The following ACSM3 variants were observed in gnomAD, a reference collection of about 807,000 sequenced individuals.
ACSM3 encodes the protein acyl-CoA synthetase medium chain family member 3.
A neutral mutation model predicts 74.1 loss-of-function variants in ACSM3; 61 were observed. The ratio of observed to expected loss-of-function variants is 0.82; its 90% CI spans 0.67 to 1.02. The LOEUF is 1.02. Ranked by LOEUF, ACSM3 falls within the 50% of genes least tolerant of loss-of-function variation. The pLI is 0.00. For missense variants in ACSM3, 660 were observed against 697.0 expected (o/e 0.95, Z 0.60); for synonymous variants, 213 against 241.5 (o/e 0.88, Z 1.09).
intron 1 of ACSM3, among the ~76,000 whole-genome samples, chr16:20,708,644 G>A (rs951580936): frequency 1.3e-5 from 2 of 152,174 alleles, no homozygotes; most frequent in African/African-American, 4.8e-5. Flanking sequence ...AAGATATCCT[G>A]TGTTCATGGA....
chr16:20,706,681 T>G (rs1217747820), intron 1 of ACSM3, among the ~76,000 whole-genome samples: 1 of 152,188 alleles, frequency 6.6e-6, no homozygotes, highest in Non-Finnish European at 1.5e-5. Context: ...GACTTGATCC[T>G]GCTACCAAAA....
At chr16:20,715,367 C>T (rs1567322376) in intron 1 of ACSM3, among the ~76,000 whole-genome samples, 1 of 152,064 alleles carries the variant, frequency 6.6e-6, no homozygotes, top group Admixed American at 6.5e-5. Flanking sequence ...ACTTTTGGAT[C>T]CTGGGGTGGG....
intron 9 of ACSM3, among the ~76,000 whole-genome samples, chr16:20,789,972 C>G (rs1004213875): frequency 7.9e-5 from 12 of 151,956 alleles, no homozygotes; most frequent in African/African-American, 2.9e-4. Context: ...CTGCGCCCAG[C>G]CAGCAATCCT....
chr16:20,771,464 C>T (rs185153753), intron 2 of ACSM3, among the ~76,000 whole-genome samples: 38 of 146,648 alleles, frequency 2.6e-4, no homozygotes, highest in African/African-American at 9.5e-4. Context: ...TAAGCTCCCA[C>T]ATATGAGTAA....
At chr16:20,734,020 A>G (rs2079847848) in intron 1 of ACSM3, 1 of 152,234 alleles carries the variant, frequency 6.6e-6, no homozygotes, top group Non-Finnish European at 1.5e-5. Flanking sequence ...CCTGAAAACA[A>G]GTCTTTTAAT....
At chr16:20,717,956 GGAAGAAGAAGAAGAA>G (rs746227909) in intron 1 of ACSM3, among the ~76,000 whole-genome samples, 1,803 of 74,350 alleles carry the variant, frequency 0.024, 25 homozygotes, top group Middle Eastern at 0.044. Context: ...AAGAGGAAGA[GGAAGAAGAAGAAGAA>G]GAAGAAGAAG....
chr16:20,737,469 A>G (rs1358324636), intron 1 of ACSM3, among the ~76,000 whole-genome samples: 2 of 152,240 alleles, frequency 1.3e-5, no homozygotes, highest in East Asian at 3.8e-4. Context: ...ACAACATTTA[A>G]TAAGAATTTT....
At chr16:20,789,287 T>G (rs970774777) in intron 9 of ACSM3, among the ~76,000 whole-genome samples, 4 of 152,206 alleles carry the variant, frequency 2.6e-5, no homozygotes, top group Non-Finnish European at 4.4e-5. Context: ...TTTCCTCATG[T>G]GTCAAATGGG....
chr16:20,737,681 T>C, intron 1 of ACSM3: 2 of 1,582,722 alleles, frequency 1.3e-6, no homozygotes, highest in Non-Finnish European at 8.6e-7. Context: ...ATTGAATGCC[T>C]ATGGAAAATC....
At chr16:20,741,338 G>C (rs2079918502) in intron 1 of ACSM3, among the ~76,000 whole-genome samples, 1 of 152,364 alleles carries the variant, frequency 6.6e-6, no homozygotes, top group African/African-American at 2.4e-5. Context: ...TAGCACCGAA[G>C]TCTGCGAGCG....
intron 1 of ACSM3, chr16:20,741,783 T>C (rs947489964): frequency 1.9e-5 from 30 of 1,549,166 alleles, no homozygotes; most frequent in Non-Finnish European, 2.2e-5. Flanking sequence ...TCTCCGCTGC[T>C]GTTGGCGTCC....
intron 1 of ACSM3, among the ~76,000 whole-genome samples, chr16:20,723,218 A>C (rs546238714): frequency 1.7e-3 from 265 of 152,170 alleles, no homozygotes; most frequent in African/African-American, 5.6e-3. Context: ...TGAACTCATC[A>C]TTTTTTATGG....
intron 1 of ACSM3, chr16:20,742,023 C>T: frequency 1.4e-6 from 2 of 1,455,892 alleles, no homozygotes; most frequent in Non-Finnish European, 1.8e-6. Context: ...GGTGGCTCCT[C>T]AAGCCCTTGA....
intron 1 of ACSM3, among the ~76,000 whole-genome samples, chr16:20,686,973 T>C (rs1280067604): frequency 6.9e-6 from 1 of 144,232 alleles, no homozygotes; most frequent in Non-Finnish European, 1.5e-5. Flanking sequence ...GTAGAAAATT[T>C]TGTGATTTTT....
chr16:20,708,845 T>C (rs2079735056), intron 1 of ACSM3, among the ~76,000 whole-genome samples: 1 of 152,228 alleles, frequency 6.6e-6, no homozygotes, highest in South Asian at 2.1e-4. Flanking sequence ...GCTGGAGGCA[T>C]CACACTCCCT....
intron 1 of ACSM3, among the ~76,000 whole-genome samples, chr16:20,764,959 G>A (rs540714382): frequency 6.6e-6 from 1 of 152,266 alleles, no homozygotes; most frequent in South Asian, 2.1e-4. Flanking sequence ...GGTCTGGTTG[G>A]GTTTGGAGAC....
intron 1 of ACSM3, among the ~76,000 whole-genome samples, chr16:20,726,736 C>T (rs563144825): frequency 6.6e-6 from 1 of 152,328 alleles, no homozygotes; most frequent in East Asian, 1.9e-4. Context: ...CTTACTAAGC[C>T]TCCATCAACT....
chr16:20,714,623 T>C (rs34154454), intron 1 of ACSM3, among the ~76,000 whole-genome samples: 11,159 of 152,098 alleles, frequency 0.073, 522 homozygotes, highest in East Asian at 0.21. Flanking sequence ...ATGTGGAAGA[T>C]GAAGGAAGAA....
chr16:20,683,151 CCT>C (rs1188737621), intron 1 of ACSM3, among the ~76,000 whole-genome samples: 2 of 151,548 alleles, frequency 1.3e-5, no homozygotes, highest in African/African-American at 2.4e-5. Flanking sequence ...GGAGTCTCCC[CCT>C]GTCACCCAGG....
Sources: allele counts gnomAD v4.1 joint callset (sites outside exome capture counted in the v4.1 genomes callset), GRCh38; gene constraint gnomAD v4.1.1; transcripts MANE v1.5; gene names NCBI Gene and HGNC (gene_info 2026-07-23, HGNC 2026-07-21).